Variants in IL2RA observed in about 807,000 individuals in gnomAD.
The protein encoded by IL2RA is interleukin 2 receptor subunit alpha, also known as interleukin-2 receptor subunit alpha.
Under a neutral mutation model 37.8 loss-of-function variants are expected in IL2RA, and 24 were observed. The ratio of observed to expected loss-of-function variants is 0.63; its 90% CI spans 0.46 to 0.89. The LOEUF is 0.89. IL2RA is among the 40% of genes least tolerant of loss of function. The pLI is 0.00. For synonymous variants in IL2RA, 125 were observed against 114.6 expected (o/e 1.09, Z -0.58); for missense variants, 319 against 348.6 (o/e 0.92, Z 0.68).
chr10:6,061,757 A>C (rs1272807920), intron 1 of IL2RA, among the ~76,000 whole-genome samples: 1 of 152,198 alleles, frequency 6.6e-6, no homozygotes, highest in Non-Finnish European at 1.5e-5. Context: ...AATTCATTGA[A>C]GAATAAAAGA....
intron 1 of IL2RA, among the ~76,000 whole-genome samples, chr10:6,030,337 T>C (rs1589298172): frequency 1.3e-5 from 2 of 152,308 alleles, no homozygotes; most frequent in Non-Finnish European, 2.9e-5. Context: ...AGCCCATCTA[T>C]ATACATCGTA....
At chr10:6,045,078 G>A (rs372781634) in intron 1 of IL2RA, among the ~76,000 whole-genome samples, 1 of 152,206 alleles carries the variant, frequency 6.6e-6, no homozygotes, top group African/African-American at 2.4e-5. Context: ...GAAGAAGGCG[G>A]TGTGGTTCAA....
chr10:6,019,979 ACAGGAGT>A (rs771780368), intron 4 of IL2RA, 38 bp from the exon 5 acceptor site: 10 of 1,577,174 alleles, frequency 6.3e-6, no homozygotes, highest in Non-Finnish European at 8.7e-6. Flanking sequence ...GGAGCTAAAC[ACAGGAGT>A]CAGGGCCTCA....
intron 3 of IL2RA, among the ~76,000 whole-genome samples, chr10:6,023,900 A>C (rs1425188019): frequency 2.6e-5 from 4 of 152,222 alleles, no homozygotes; most frequent in Non-Finnish European, 1.5e-5. Context: ...GATCGTTGTC[A>C]CACTCTTGTT....
chr10:6,027,494 C>A (rs899044252), intron 1 of IL2RA, among the ~76,000 whole-genome samples: 4 of 152,180 alleles, frequency 2.6e-5, no homozygotes, highest in African/African-American at 9.7e-5. Flanking sequence ...GCAAGAGCAG[C>A]AGCATGGTGG....
intron 7 of IL2RA, among the ~76,000 whole-genome samples, 156 bp from the exon 8 acceptor site, chr10:6,013,052 A>G (rs1839216020): frequency 6.6e-6 from 1 of 152,030 alleles, no homozygotes; most frequent in Admixed American, 6.6e-5. Flanking sequence ...CTGGTCTCGA[A>G]CTCCTGACCT....
intron 1 of IL2RA, among the ~76,000 whole-genome samples, chr10:6,039,998 G>T (rs1312713325): frequency 6.6e-6 from 1 of 152,196 alleles, no homozygotes; most frequent in Admixed American, 6.5e-5. Context: ...CAGAGAATGT[G>T]TAAAAGTGTA....
intron 1 of IL2RA, among the ~76,000 whole-genome samples, chr10:6,032,012 C>T (rs1241343142): frequency 1.3e-5 from 2 of 152,064 alleles, no homozygotes; most frequent in African/African-American, 4.8e-5. Context: ...AGTAATGAAA[C>T]AGAGCAGAAA....
In IL2RA at chr10:6,015,514, G is replaced by T. The variant is rs1839261538; in HGVS notation, c.794+2539C>A. ...ATTCCTGGACCTAAGCAAGACGACT[G>T]CGTCAGAAACTCCACAGGTGGGACC... On this transcript the variant is annotated intron_variant, in intron 7 of 7. Transcript: ENST00000379959. This position sits in a 1 kb window ranked among gnomAD's most constrained non-coding sequence, Gnocchi z 4.9. 6.6e-6 allele frequency among the ~76,000 whole-genome samples: 1 copy of T among 152,168 alleles called. No individual in the cohort carries two copies. The highest frequency in any genetic ancestry group is 1.5e-5 in the Non-Finnish European group (1 of 68,030).
intron 1 of IL2RA, among the ~76,000 whole-genome samples, chr10:6,043,386 C>T (rs768521128): frequency 5.9e-5 from 9 of 151,960 alleles, no homozygotes; most frequent in Non-Finnish European, 7.4e-5. Context: ...TGGGTTGGAC[C>T]GAGAGGGAGC....
At chr10:6,045,313 A>T (rs1331397034) in intron 1 of IL2RA, among the ~76,000 whole-genome samples, 1 of 152,196 alleles carries the variant, frequency 6.6e-6, no homozygotes, top group African/African-American at 2.4e-5. Flanking sequence ...GTTAAACAAC[A>T]ACGAAATGAT....
In IL2RA at chr10:6,047,939, G is replaced by T. The variant is rs1226016481; in HGVS notation, c.64+14149C>A. On this transcript the variant is annotated intron_variant, in intron 1 of 7. Transcript: ENST00000379959. This position sits in a 1 kb window ranked among gnomAD's most constrained non-coding sequence, Gnocchi z 5.0. ...TTCTTCTCATCTCCGTTCTCTAGAG[G>T]CAGGAACTAAGGCACAGAGAGGCCC... Among the ~76,000 whole-genome samples, 2 of 152,190 alleles carry T rather than the reference G, an allele frequency of 1.3e-5. No individual in the cohort carries two copies. The highest frequency in any genetic ancestry group is 4.8e-5 in the African/African-American group (2 of 41,442).
chr10:6,036,364 A>G lies in IL2RA; in HGVS notation c.65-10339T>C, dbSNP rs1839682677. On this transcript the variant is annotated intron_variant, in intron 1 of 7. Transcript: ENST00000379959. This position sits in a 1 kb window ranked among gnomAD's most constrained non-coding sequence, Gnocchi z 6.1. ...CACTCGTCACTCTTCCCAGAAGGAC[A>G]AATGTGCAGCTTCTATGTCTTGGAT... 1 of 152,214 alleles carries G rather than the reference A, an allele frequency of 6.6e-6. No individual in the cohort carries two copies. The highest frequency in any genetic ancestry group is 1.9e-4 in the East Asian group (1 of 5,190). The allele number at this position is 152,214 out of a possible 1,614,324, so 9.4% of individuals were successfully genotyped here.
chr10:6,045,987 G>T (rs1482987263), intron 1 of IL2RA, among the ~76,000 whole-genome samples: 7 of 152,134 alleles, frequency 4.6e-5, no homozygotes, highest in Non-Finnish European at 7.3e-5. Flanking sequence ...GGTGAGGGCC[G>T]GTCCTGTTAA....
Position 6,058,554 on chromosome 10 carries a change from G to T in IL2RA, c.64+3534C>A, listed in dbSNP as rs545781704. 6.6e-6 allele frequency among the ~76,000 whole-genome samples: 1 copy of T among 152,086 alleles called. No homozygotes were observed. Among genetic ancestry groups the T allele is most frequent in the Non-Finnish European group, 1.5e-5 (1 of 68,018 alleles). ...AGAAGTTGAAAGATTAAATGTGAAG[G>T]GTTAAACATTTTGTGTTTGACTGAC... On this transcript the variant is annotated intron_variant, in intron 1 of 7. Transcript: ENST00000379959. This position sits in a 1 kb window ranked among gnomAD's most constrained non-coding sequence, Gnocchi z 4.2.
chr10:6,038,720 G>T (rs1488682742), intron 1 of IL2RA, among the ~76,000 whole-genome samples: 1 of 152,244 alleles, frequency 6.6e-6, no homozygotes, highest in Non-Finnish European at 1.5e-5. Context: ...GAAAAGGTTT[G>T]TGGAGGCAAT....
intron 1 of IL2RA, among the ~76,000 whole-genome samples, chr10:6,055,838 CT>C (rs796660432): frequency 0.16 from 233 of 1,476 alleles, 90 homozygotes; most frequent in African/African-American, 0.61. Flanking sequence ...GGGGGGCCGA[CT>C]CCCCCCACCT....
At position 6,021,342 on chromosome 10, in the gene IL2RA, A is replaced by G. The variant is rs1344336431; in HGVS notation, c.583+136T>C. The G allele has an allele frequency of 1.0e-5, 8 of 780,192 alleles. No homozygotes were observed. The South Asian group carries it at 1.2e-4, about 12-fold the overall frequency. 48.3% of individuals were successfully genotyped at this position (780,192 alleles called of 1,614,324 possible). On this transcript the variant is annotated intron_variant, in intron 4 of 7. Coordinates refer to ENST00000379959, the MANE Select transcript of IL2RA (RefSeq NM_000417.3). The surrounding 1 kb of genome is among the most constrained non-coding windows in gnomAD (Gnocchi z 4.9). ...ATTTTTTTTTTTTTCTCAGAATGAGAAAAAATGGAAGCCCAGGGAGATCAA... is the reference window on the plus strand; with the variant it reads ...ATTTTTTTTTTTTTCTCAGAATGAGGAAAAATGGAAGCCCAGGGAGATCAA...
intron 1 of IL2RA, among the ~76,000 whole-genome samples, chr10:6,059,475 T>A (rs1353011814): frequency 9.9e-5 from 15 of 152,208 alleles, no homozygotes; most frequent in Non-Finnish European, 1.5e-5. Flanking sequence ...ATGGTAGTTT[T>A]AAATTTTCTT....
Sources: allele counts gnomAD v4.1 joint callset (sites outside exome capture counted in the v4.1 genomes callset), GRCh38; gene constraint gnomAD v4.1.1; non-coding constraint Gnocchi (gnomAD v3.1); transcripts MANE v1.5; gene names NCBI Gene and HGNC (gene_info 2026-07-23, HGNC 2026-07-21).